PIGK: variants seen among roughly 807,000 people sequenced by gnomAD.
PIGK encodes the protein GPI-anchor transamidase.
Under a neutral mutation model 50.6 loss-of-function variants are expected in PIGK, and 42 were observed. That is an observed-to-expected ratio of 0.83 (90% CI 0.65 to 1.07). The LOEUF is 1.07. Ranked by LOEUF, PIGK falls within the 50% of genes least tolerant of loss-of-function variation. The pLI, the probability that PIGK is intolerant of heterozygous loss-of-function variation, is 0.00. For missense variants in PIGK, 448 were observed against 488.7 expected (o/e 0.92, Z 0.78); for synonymous variants, 151 against 156.0 (o/e 0.97, Z 0.24).
At chr1:77,195,321 C>A in intron 3 of PIGK, 1 of 1,324,788 alleles carries the variant, frequency 7.5e-7, no homozygotes. Context: ...GTTTTCAGGG[C>A]AAGACCACCA....
At chr1:77,149,051 T>A (rs1443880306) in intron 9 of PIGK, among the ~76,000 whole-genome samples, 1 of 152,152 alleles carries the variant, frequency 6.6e-6, no homozygotes, top group East Asian at 1.9e-4. Flanking sequence ...ACTATACGAT[T>A]TTTAATGAAC....
At position 77,122,941 on chromosome 1, in the gene PIGK, A is replaced by G. The variant is rs187876701; in HGVS notation, c.987-582T>C. Among the ~76,000 whole-genome samples the G allele has an allele frequency of 3.4e-4, 52 of 152,268 alleles. 1 individual carries two copies. Among genetic ancestry groups the G allele is most frequent in the Admixed American group, 3.3e-3 (50 of 15,298 alleles). ...TTTCACTTCCTTGAAGATGAAACCC[A>G]TGTCTTCTTCTTTGTATATCTAATA... On this transcript the variant is annotated intron_variant, in intron 9 of 10. Transcript: ENST00000370812.
chr1:77,166,584 TTATGGAAAATATAACTA>T (rs1655239653), intron 5 of PIGK, 118 bp downstream of exon 5: 2 of 558,876 alleles, frequency 3.6e-6, no homozygotes, highest in African/African-American at 3.8e-5. Context: ...TAGTTCTACA[TTATGGAAAATATAACTA>T]CATGAGAAAC....
intron 10 of PIGK, among the ~76,000 whole-genome samples, chr1:77,107,321 T>C (rs1431895866): frequency 3.9e-5 from 6 of 152,360 alleles, no homozygotes; most frequent in Non-Finnish European, 7.3e-5. Flanking sequence ...AGAACATCTT[T>C]ATTTCTGCCT....
chr1:77,184,053 G>A (rs1451210978), intron 3 of PIGK, among the ~76,000 whole-genome samples: 1 of 152,162 alleles, frequency 6.6e-6, no homozygotes, highest in Non-Finnish European at 1.5e-5. Flanking sequence ...TTTAAATACA[G>A]TGGAAATAAT....
intron 10 of PIGK, among the ~76,000 whole-genome samples, chr1:77,109,529 T>C (rs1653787684): frequency 6.6e-6 from 1 of 152,226 alleles, no homozygotes; most frequent in South Asian, 2.1e-4. Flanking sequence ...TCTCAATAGA[T>C]GCAGAAAAGG....
At chr1:77,131,837 ACTCT>A (rs1377157923) in intron 9 of PIGK, among the ~76,000 whole-genome samples, 1 of 151,874 alleles carries the variant, frequency 6.6e-6, no homozygotes, top group South Asian at 2.1e-4. Context: ...AGTGAGGCTG[ACTCT>A]CTATTTTCTT....
At chr1:77,148,112 T>A (rs948958460) in intron 9 of PIGK, among the ~76,000 whole-genome samples, 5 of 152,222 alleles carry the variant, frequency 3.3e-5, no homozygotes, top group Non-Finnish European at 7.4e-5. Flanking sequence ...AAGATTTTTT[T>A]AAATGCATAT....
chr1:77,171,393 C>T (rs549536498), intron 3 of PIGK, among the ~76,000 whole-genome samples: 2 of 128,408 alleles, frequency 1.6e-5, no homozygotes, highest in African/African-American at 5.7e-5. Context: ...GCCGACATCG[C>T]GTCACTGCAC....
In PIGK at chr1:77,090,125, A is replaced by T. The variant is rs1043805780; in HGVS notation, c.*2249T>A. 2 of 152,250 alleles carry T rather than the reference A, an allele frequency of 1.3e-5. No homozygotes were observed. Among genetic ancestry groups the T allele is most frequent in the Non-Finnish European group, 2.9e-5 (2 of 68,046 alleles). 9.4% of individuals were successfully genotyped at this position (152,250 alleles called of 1,614,324 possible). Reference sequence around the variant, plus strand: ...AAGTGTTTAGTCAAAATACTATCTCATCTGATTCTCACCACAACACTGTGA... The same window carrying T: ...AAGTGTTTAGTCAAAATACTATCTCTTCTGATTCTCACCACAACACTGTGA... On this transcript the variant is annotated 3_prime_UTR_variant, in exon 11 of 11. Coordinates refer to ENST00000370812, the MANE Select transcript of PIGK (RefSeq NM_005482.3).
Position 77,169,391 on chromosome 1 carries a change from T to C in PIGK, c.244A>G (p.Ile82Val). The change falls in exon 4 of 11, where the codon ATT (isoleucine) becomes GTT (valine). Residue 82 changes from isoleucine (I) to valine (V), a missense_variant. Transcript: ENST00000370812. ...ATATCATCTGCAAGCATTAGGACAA[T>C]GTGACTAGGGAAAAAAAATCCAGTA... ...VKRLGIPDSH[I>V]VLMLADDMAC... 3 of 1,583,384 alleles carry C rather than the reference T, an allele frequency of 1.9e-6. No individual in the cohort carries two copies. The South Asian group carries it at 3.6e-5, about 19-fold the overall frequency.
chr1:77,176,356 A>G (rs1026032213), intron 3 of PIGK, among the ~76,000 whole-genome samples: 3 of 152,204 alleles, frequency 2.0e-5, no homozygotes, highest in African/African-American at 7.2e-5. Context: ...CACTGTAAAA[A>G]TAAAAAATAA....
chr1:77,208,697 G>T (rs1176094371), intron 2 of PIGK, among the ~76,000 whole-genome samples: 1 of 152,080 alleles, frequency 6.6e-6, no homozygotes, highest in African/African-American at 2.4e-5. Context: ...GTGAAGGGTA[G>T]CATATATAAG....
chr1:77,177,915 G>A (rs921905138), intron 3 of PIGK, among the ~76,000 whole-genome samples: 12 of 152,126 alleles, frequency 7.9e-5, no homozygotes, highest in Admixed American at 3.3e-4. Flanking sequence ...TTAAGGTAAA[G>A]CTAACCAGGA....
At chr1:77,177,952 T>C (rs1229675637) in intron 3 of PIGK, among the ~76,000 whole-genome samples, 2 of 152,178 alleles carry the variant, frequency 1.3e-5, no homozygotes, top group African/African-American at 2.4e-5. Flanking sequence ...GAAGATGGCA[T>C]CTTTTCCCAA....
intron 10 of PIGK, among the ~76,000 whole-genome samples, chr1:77,096,014 C>T (rs937742788): frequency 6.6e-6 from 1 of 152,128 alleles, no homozygotes. Context: ...CAGAGAAGAT[C>T]TCCCTGAGAA....
intron 3 of PIGK, among the ~76,000 whole-genome samples, chr1:77,172,768 A>G (rs1655396048): frequency 6.6e-6 from 1 of 152,020 alleles, no homozygotes; most frequent in East Asian, 1.9e-4. Context: ...CAAAAAATAC[A>G]AAAAAATTAG....
At chr1:77,105,411 G>C (rs1044381371) in intron 10 of PIGK, among the ~76,000 whole-genome samples, 1 of 151,880 alleles carries the variant, frequency 6.6e-6, no homozygotes, top group Non-Finnish European at 1.5e-5. Context: ...TGCTTTTTTG[G>C]CTTGAAGGTG....
intron 3 of PIGK, among the ~76,000 whole-genome samples, chr1:77,196,909 TG>T (rs1656051310): frequency 6.6e-6 from 1 of 152,208 alleles, no homozygotes; most frequent in African/African-American, 2.4e-5. Context: ...GCATCCAGAA[TG>T]GTATTTCCTA....
Sources: gnomAD v4.1 joint callset for allele counts (sites outside exome capture counted in the v4.1 genomes callset) on GRCh38, gnomAD v4.1.1 for gene constraint, MANE v1.5 for transcripts, NCBI Gene and HGNC (gene_info 2026-07-23, HGNC 2026-07-21) for gene names.